The following SSBP3 variants were observed in gnomAD, a reference collection of about 807,000 sequenced individuals.
The protein encoded by SSBP3 is single-stranded DNA-binding protein 3.
Under a neutral mutation model 69.6 loss-of-function variants are expected in SSBP3, and 5 were observed. That is an observed-to-expected ratio of 0.07 (90% CI 0.04 to 0.15). The LOEUF (loss-of-function observed/expected upper bound fraction) is 0.15, where lower values mean the gene tolerates loss of function less well. Among genes scored for constraint, SSBP3 ranks in the 10% least tolerant of loss-of-function variants. SSBP3 has a pLI of 1.00. For synonymous variants in SSBP3, 196 were observed against 193.4 expected (o/e 1.01, Z -0.11); for missense variants, 312 against 534.0 (o/e 0.58, Z 4.10).
chr1:54,263,471 A>T (rs1645049882), intron 5 of SSBP3, among the ~76,000 whole-genome samples: 1 of 152,162 alleles, frequency 6.6e-6, no homozygotes, highest in South Asian at 2.1e-4. Context: ...ACTATTCCAC[A>T]AACACTGCAG....
chr1:54,267,359 C>T (rs1645119788), intron 5 of SSBP3, among the ~76,000 whole-genome samples: 1 of 152,180 alleles, frequency 6.6e-6, no homozygotes, highest in African/African-American at 2.4e-5. Context: ...GCACTAGGTC[C>T]CAGTACCCTG....
At chr1:54,244,162 G>A (rs369280133) in intron 9 of SSBP3, among the ~76,000 whole-genome samples, 15 of 152,066 alleles carry the variant, frequency 9.9e-5, no homozygotes, top group African/African-American at 2.7e-4. Flanking sequence ...GGAGAGCAGT[G>A]GCATGATCTC....
upstream of SSBP3, among the ~76,000 whole-genome samples, chr1:54,406,973 G>A (rs1397957906): frequency 6.6e-6 from 1 of 151,506 alleles, no homozygotes; most frequent in Non-Finnish European, 1.5e-5. Flanking sequence ...CCCCGCCCCC[G>A]GGCCTCCCTC....
intron 4 of SSBP3, among the ~76,000 whole-genome samples, chr1:54,395,049 G>T (rs1320123799): frequency 4.6e-5 from 7 of 151,096 alleles, no homozygotes; most frequent in African/African-American, 1.7e-4. Flanking sequence ...CGCCTTTGTG[G>T]GATTTCCACA....
intron 4 of SSBP3, among the ~76,000 whole-genome samples, chr1:54,301,002 G>C (rs1444899958): frequency 6.6e-6 from 1 of 152,156 alleles, no homozygotes; most frequent in East Asian, 1.9e-4. Context: ...GACACTCTTA[G>C]GATCTCCTGA....
At chr1:54,270,681 G>A (rs1378676549) in intron 5 of SSBP3, among the ~76,000 whole-genome samples, 1 of 152,174 alleles carries the variant, frequency 6.6e-6, no homozygotes, top group African/African-American at 2.4e-5. Flanking sequence ...TGGGCCTCTA[G>A]AACAGTACAG....
intron 4 of SSBP3, among the ~76,000 whole-genome samples, chr1:54,380,601 T>C (rs1291593995): frequency 2.0e-5 from 3 of 152,194 alleles, no homozygotes; most frequent in East Asian, 3.9e-4. Flanking sequence ...CTACGGCCCA[T>C]CGTGGTCCCA....
At chr1:54,256,925 T>C (rs1426829858) in intron 7 of SSBP3, among the ~76,000 whole-genome samples, 1 of 152,288 alleles carries the variant, frequency 6.6e-6, no homozygotes, top group Non-Finnish European at 1.5e-5. Flanking sequence ...AAGGGCCATC[T>C]GGAGAGGCAG....
chr1:54,304,231 TAG>T lies in SSBP3; in HGVS notation c.277-22706_277-22705del, dbSNP rs1645856559. Reference sequence around the variant, plus strand: ...GAGGACAGCAGGGCAGCCTTCGACCTAGAGTCTTTGGCAATGTGAACAGGCGG... The same window carrying T: ...GAGGACAGCAGGGCAGCCTTCGACCTAGTCTTTGGCAATGTGAACAGGCGG... On this transcript the variant is annotated intron_variant, in intron 4 of 17. Coordinates refer to ENST00000610401, the Ensembl canonical transcript of SSBP3. 2.0e-5 allele frequency among the ~76,000 whole-genome samples: 3 copies of T among 152,168 alleles called. No individual in the cohort carries two copies. The South Asian group carries it at 6.2e-4, about 32-fold the overall frequency.
rs1041051087 is a variant in SSBP3 at position 54,402,780 on chromosome 1, T to C, written c.192-835A>G. On this transcript the variant is annotated intron_variant, in intron 3 of 17. Coordinates refer to ENST00000610401, the Ensembl canonical transcript of SSBP3. ...GTCACTCCGACATTCTGTATTAAAA[T>C]GAGAACAGACATACAAGTCCTATGT... Among the ~76,000 whole-genome samples, 6 of 152,286 alleles carry C rather than the reference T, an allele frequency of 3.9e-5. No homozygotes were observed. The South Asian group carries it at 8.3e-4, about 21-fold the overall frequency.
intron 4 of SSBP3, among the ~76,000 whole-genome samples, chr1:54,370,821 C>G (rs1327731478): frequency 6.6e-6 from 1 of 152,088 alleles, no homozygotes; most frequent in Non-Finnish European, 1.5e-5. Context: ...CGTGTGGTGG[C>G]TGTGAGTGGT....
chr1:54,268,264 T>C (rs577077113), intron 5 of SSBP3, among the ~76,000 whole-genome samples: 3 of 152,338 alleles, frequency 2.0e-5, no homozygotes, highest in African/African-American at 7.2e-5. Flanking sequence ...GCTCTGAAAA[T>C]GGATAGTGCT....
exon 1 of SSBP3, chr1:54,406,058 CGCT>C (rs746315398): frequency 7.1e-7 from 1 of 1,405,328 alleles, no homozygotes. Flanking sequence ...CCGCCGCCGC[CGCT>C]ACCGCTCCGG....
At chr1:54,279,155 T>C (rs1169182512) in intron 5 of SSBP3, among the ~76,000 whole-genome samples, 1 of 152,080 alleles carries the variant, frequency 6.6e-6, no homozygotes, top group Non-Finnish European at 1.5e-5. Flanking sequence ...GGCCAAGACA[T>C]TGCTCTCTGC....
chr1:54,267,592 G>A (rs1485788724), intron 5 of SSBP3, among the ~76,000 whole-genome samples: 2 of 152,224 alleles, frequency 1.3e-5, no homozygotes. Context: ...TCTGGACCGT[G>A]AGGATGGCAT....
chr1:54,353,671 C>T lies in SSBP3; in HGVS notation c.276+48190G>A, dbSNP rs568302111. 1.1e-4 allele frequency among the ~76,000 whole-genome samples: 17 copies of T among 152,290 alleles called. No individual in the cohort carries two copies. The East Asian group carries it at 3.1e-3, about 28-fold the overall frequency. ...AACAGGCAGGGTCAGAGGCTGCTCT[C>T]GAGGGCTGGCCTGCCCCATCCTACT... On this transcript the variant is annotated intron_variant, in intron 4 of 17. Transcript: ENST00000610401.
At chr1:54,331,306 T>G (rs60315669) in intron 4 of SSBP3, among the ~76,000 whole-genome samples, 1 of 152,108 alleles carries the variant, frequency 6.6e-6, no homozygotes, top group East Asian at 1.9e-4. Flanking sequence ...TGCTACAGTC[T>G]CGGATATCCT....
intron 4 of SSBP3, among the ~76,000 whole-genome samples, chr1:54,341,780 C>T (rs1408693905): frequency 2.6e-5 from 4 of 151,438 alleles, no homozygotes; most frequent in Admixed American, 1.3e-4. Context: ...GCCAGCGGGC[C>T]GGACAGGGTC....
intron 4 of SSBP3, among the ~76,000 whole-genome samples, chr1:54,319,649 A>C (rs955092778): frequency 2.0e-5 from 3 of 151,968 alleles, no homozygotes; most frequent in Non-Finnish European, 2.9e-5. Context: ...CCCTCCCTGA[A>C]TTTGTTAATG....
Sources: allele counts gnomAD v4.1 joint callset (sites outside exome capture counted in the v4.1 genomes callset), GRCh38; gene constraint gnomAD v4.1.1; transcripts MANE v1.5; gene names NCBI Gene and HGNC (gene_info 2026-07-23, HGNC 2026-07-21).